MCTP1: variants seen among roughly 807,000 people sequenced by gnomAD.
MCTP1 encodes multiple C2 and transmembrane domain-containing protein 1.
A neutral mutation model predicts 120.6 loss-of-function variants in MCTP1; 69 were observed. That is an observed-to-expected ratio of 0.57 (90% CI 0.47 to 0.70). MCTP1 has a LOEUF of 0.70. MCTP1 is among the 30% of genes least tolerant of loss of function. MCTP1 has a pLI of 0.00. For missense variants in MCTP1, 1,203 were observed against 1,248.8 expected (o/e 0.96, Z 0.55); for synonymous variants, 529 against 493.1 (o/e 1.07, Z -0.96).
chr5:95,133,632 G>T (rs1002558893), intron 1 of MCTP1, among the ~76,000 whole-genome samples: 1 of 152,208 alleles, frequency 6.6e-6, no homozygotes, highest in Non-Finnish European at 1.5e-5. Flanking sequence ...TCCAGCCTGG[G>T]TAACAGAGCA....
chr5:94,790,353 G>A (rs1778637957), intron 18 of MCTP1, among the ~76,000 whole-genome samples: 1 of 152,258 alleles, frequency 6.6e-6, no homozygotes, highest in Non-Finnish European at 1.5e-5. Context: ...CGGCACGCAA[G>A]AGAAAAAGAG....
intron 1 of MCTP1, among the ~76,000 whole-genome samples, chr5:95,084,346 A>G (rs2217061): frequency 0.92 from 140,246 of 152,178 alleles, 65,108 homozygotes; most frequent in Non-Finnish European, 0.98. Context: ...GGAAATGATG[A>G]TGCTCTTTTC....
intron 1 of MCTP1, among the ~76,000 whole-genome samples, chr5:95,090,313 C>T (rs1020776158): frequency 1.3e-5 from 2 of 152,060 alleles, no homozygotes; most frequent in African/African-American, 4.8e-5. Flanking sequence ...TTGGCCAATA[C>T]TTCAATTAAA....
chr5:94,990,806 A>AT, intron 2 of MCTP1, among the ~76,000 whole-genome samples: 1 of 152,098 alleles, frequency 6.6e-6, no homozygotes, highest in East Asian at 1.9e-4. Flanking sequence ...ATTACATCCA[A>AT]TTTTCCAGAC....
At chr5:95,056,740 G>A (rs905263443) in intron 1 of MCTP1, among the ~76,000 whole-genome samples, 16 of 151,998 alleles carry the variant, frequency 1.1e-4, no homozygotes, top group South Asian at 4.2e-4. Context: ...CTGCTTTGAC[G>A]GTAATAATTC....
rs114476136 is a variant in MCTP1 at position 95,184,945 on chromosome 5, C to T, written c.720+98911G>A. Among the ~76,000 whole-genome samples, 1,414 of 152,262 alleles carry T rather than the reference C, an allele frequency of 9.3e-3. 7 individuals carry two copies. Among genetic ancestry groups the T allele is most frequent in the Non-Finnish European group, 0.012 (844 of 68,032 alleles). On this transcript the variant is annotated intron_variant, in intron 1 of 22. Transcript: ENST00000515393. ...TCAGCATTCCCCACTTCCCAAGGCC[C>T]TATCTGCCAAATTATCTTTAAAAAT...
chr5:95,068,004 C>G (rs1472467432), intron 1 of MCTP1, among the ~76,000 whole-genome samples: 1 of 152,192 alleles, frequency 6.6e-6, no homozygotes, highest in Non-Finnish European at 1.5e-5. Context: ...GTCAAACAAT[C>G]TATTTCTTAA....
rs1207008549 is a variant in MCTP1, at chr5:95,188,235, T to C, written c.720+95621A>G. On this transcript the variant is annotated intron_variant, in intron 1 of 22. Coordinates refer to ENST00000515393, the MANE Select transcript of MCTP1 (RefSeq NM_024717.7). The stretch of plus-strand genomic sequence containing the variant: ...ATCACTGCACACCTGTAAGAATAGC[T>C]CAGATAAAAAAGAGTGACAACATCA... Among the ~76,000 whole-genome samples the C allele has an allele frequency of 3.3e-5, 5 of 152,108 alleles. No homozygotes were observed. In the East Asian group the frequency reaches 7.7e-4, roughly 24 times the overall value.
intron 18 of MCTP1, among the ~76,000 whole-genome samples, chr5:94,780,151 T>TC: frequency 6.6e-6 from 1 of 152,070 alleles, no homozygotes; most frequent in East Asian, 1.9e-4. Flanking sequence ...TTTTTTTTTT[T>TC]CCTGATCTTG....
In MCTP1 at chr5:94,963,953, C is replaced by T. The variant is rs548155256; in HGVS notation, c.839-10592G>A. 1.4e-4 allele frequency among the ~76,000 whole-genome samples: 21 copies of T among 152,200 alleles called. No homozygotes were observed. In the East Asian group the frequency reaches 3.9e-3, roughly 28 times the overall value. On this transcript the variant is annotated intron_variant, in intron 2 of 22. Transcript: ENST00000515393. ...GGTAGTTTTTCATTTTCAGGTCTTACGTTTAAGTCTTTAATCTATTTTGAA... is the reference window on the plus strand; with the variant it reads ...GGTAGTTTTTCATTTTCAGGTCTTATGTTTAAGTCTTTAATCTATTTTGAA...
intron 18 of MCTP1, among the ~76,000 whole-genome samples, chr5:94,780,738 C>A (rs1344861323): frequency 6.6e-6 from 1 of 152,104 alleles, no homozygotes; most frequent in Non-Finnish European, 1.5e-5. Flanking sequence ...ATTATAAACC[C>A]CTTTGTCCAA....
At chr5:94,796,623 AAT>A (rs1274457381) in intron 18 of MCTP1, among the ~76,000 whole-genome samples, 1 of 92,684 alleles carries the variant, frequency 1.1e-5, no homozygotes, top group East Asian at 2.9e-4. Context: ...TAATATATAT[AAT>A]ATATATTATA....
intron 2 of MCTP1, among the ~76,000 whole-genome samples, chr5:94,980,245 T>C (rs1254239662): frequency 6.6e-6 from 1 of 152,166 alleles, no homozygotes; most frequent in Non-Finnish European, 1.5e-5. Context: ...AACAAAGTCA[T>C]ATTATGCAAA....
chr5:94,958,997 T>C (rs563845677), intron 2 of MCTP1, among the ~76,000 whole-genome samples: 1 of 152,324 alleles, frequency 6.6e-6, no homozygotes, highest in South Asian at 2.1e-4. Flanking sequence ...ATCTCCCTGA[T>C]GAACATTGAT....
intron 17 of MCTP1, among the ~76,000 whole-genome samples, chr5:94,818,428 G>A (rs779289532): frequency 2.0e-5 from 3 of 152,184 alleles, no homozygotes; most frequent in African/African-American, 7.2e-5. Flanking sequence ...GTTATTCCCT[G>A]AGTGTTTCAG....
chr5:95,016,535 G>T (rs1318403808), intron 2 of MCTP1, among the ~76,000 whole-genome samples: 1 of 151,948 alleles, frequency 6.6e-6, no homozygotes, highest in Non-Finnish European at 1.5e-5. Flanking sequence ...ATCCTATGGT[G>T]CCAGAAGCAC....
At chr5:95,001,114 C>T (rs1016359486) in intron 2 of MCTP1, among the ~76,000 whole-genome samples, 1 of 152,240 alleles carries the variant, frequency 6.6e-6, no homozygotes, top group African/African-American at 2.4e-5. Flanking sequence ...CTCATTTTCT[C>T]TCCTGCCACC....
chr5:94,838,374 T>C (rs1356828410), intron 17 of MCTP1, among the ~76,000 whole-genome samples: 1 of 152,224 alleles, frequency 6.6e-6, no homozygotes, highest in Non-Finnish European at 1.5e-5. Context: ...AATTTAAATT[T>C]TCATAATAAT....
chr5:95,060,089 G>T (rs1279765682), intron 1 of MCTP1, among the ~76,000 whole-genome samples: 1 of 152,114 alleles, frequency 6.6e-6, no homozygotes, highest in East Asian at 1.9e-4. Context: ...CCCAAGCCTG[G>T]GGCTATTCTT....
Sources: allele counts gnomAD v4.1 joint callset (sites outside exome capture counted in the v4.1 genomes callset), GRCh38; gene constraint gnomAD v4.1.1; transcripts MANE v1.5; gene names NCBI Gene and HGNC (gene_info 2026-07-23, HGNC 2026-07-21).